EIF2S1: variants seen among roughly 807,000 people sequenced by gnomAD.
EIF2S1 encodes the protein eukaryotic translation initiation factor 2 subunit alpha.
A neutral mutation model predicts 33.5 loss-of-function variants in EIF2S1; 5 were observed. That is an observed-to-expected ratio of 0.15 (90% CI 0.08 to 0.31). EIF2S1 has a LOEUF of 0.31. EIF2S1 is among the 10% of genes least tolerant of loss of function. The pLI is 1.00. For synonymous variants in EIF2S1, 99 were observed against 127.5 expected (o/e 0.78, Z 1.51); for missense variants, 191 against 384.6 (o/e 0.50, Z 4.21).
intron 2 of EIF2S1, among the ~76,000 whole-genome samples, chr14:67,373,129 A>T (rs185892315): frequency 6.6e-6 from 1 of 152,344 alleles, no homozygotes; most frequent in East Asian, 1.9e-4. Flanking sequence ...AGTTTGGCAG[A>T]TAAAATTAAC....
intron 2 of EIF2S1, among the ~76,000 whole-genome samples, chr14:67,368,396 C>T (rs1328808630): frequency 6.6e-6 from 1 of 152,180 alleles, no homozygotes; most frequent in Non-Finnish European, 1.5e-5. Flanking sequence ...CCTTTGCTGA[C>T]TCCTCCCCAC....
chr14:67,375,425 C>A (rs1007663844), intron 3 of EIF2S1, among the ~76,000 whole-genome samples: 2 of 152,052 alleles, frequency 1.3e-5, no homozygotes, highest in Admixed American at 1.3e-4. Context: ...CCCAGCCTAT[C>A]CTCAGTTCTT....
intron 2 of EIF2S1, among the ~76,000 whole-genome samples, chr14:67,370,855 T>C (rs1338291438): frequency 6.6e-6 from 1 of 152,016 alleles, no homozygotes; most frequent in African/African-American, 2.4e-5. Context: ...CGAAACCTCA[T>C]CTCTACAGAA....
chr14:67,375,062 CTAGCGTGT>C (rs1387094784), intron 3 of EIF2S1, among the ~76,000 whole-genome samples: 2 of 152,188 alleles, frequency 1.3e-5, no homozygotes, highest in Non-Finnish European at 2.9e-5. Flanking sequence ...TCCCCCTCCA[CTAGCGTGT>C]TAGGATTATT....
Position 67,381,687 on chromosome 14 carries a change from T to C in EIF2S1, c.675T>C (p.Ile225=). The change falls in exon 6 of 8, where the codon ATT becomes ATC. Residue 225 remains isoleucine, a synonymous_variant. Transcript: ENST00000256383. ...ATTGTTCTACAGAAAACATGCCCAT[T>C]AAGGTGAGTCATGAGTTGTCTCCCT... ...GLNCSTENMP[I]KINLIAPPRY... 1 of 1,611,140 alleles carries C rather than the reference T, an allele frequency of 6.2e-7. No individual in the cohort carries two copies. Among genetic ancestry groups the C allele is most frequent in the Admixed American group, 1.7e-5 (1 of 60,000 alleles).
intron 6 of EIF2S1, among the ~76,000 whole-genome samples, chr14:67,382,166 C>G (rs1298139832): frequency 6.6e-6 from 1 of 151,856 alleles, no homozygotes; most frequent in Non-Finnish European, 1.5e-5. Context: ...AGTTTAGCCA[C>G]CAAAGATACA....
chr14:67,365,668 G>T (rs371197338), intron 2 of EIF2S1, among the ~76,000 whole-genome samples: 1 of 152,048 alleles, frequency 6.6e-6, no homozygotes, highest in African/African-American at 2.4e-5. Flanking sequence ...ATACCATTAC[G>T]TAGGTTTTAG....
chr14:67,382,391 A>G, intron 6 of EIF2S1, 56 bp from the exon 7 acceptor site: 4 of 1,488,766 alleles, frequency 2.7e-6, no homozygotes, highest in East Asian at 2.3e-5. Flanking sequence ...AAGCATCCTA[A>G]TAGTTGTGGG....
chr14:67,381,633 T>C lies in EIF2S1; in HGVS notation c.621T>C (p.Ala207=). 1 of 1,613,780 alleles carries C rather than the reference T, an allele frequency of 6.2e-7. No individual in the cohort carries two copies. The highest frequency in any genetic ancestry group is 1.1e-5 in the South Asian group (1 of 91,058). The change falls in exon 6 of 8, where the codon GCT becomes GCC. Residue 207 remains alanine, a synonymous_variant. Transcript: ENST00000256383. ...VACYGYEGID[A]VKEALRAGLN... Reference sequence around the variant, plus strand: ...GTTATGGTTATGAAGGCATTGATGCTGTAAAAGAAGCCCTAAGAGCAGGTT... The same window carrying C: ...GTTATGGTTATGAAGGCATTGATGCCGTAAAAGAAGCCCTAAGAGCAGGTT...
At chr14:67,379,999 C>T (rs1191727060) in intron 4 of EIF2S1, among the ~76,000 whole-genome samples, 1 of 152,090 alleles carries the variant, frequency 6.6e-6, no homozygotes, top group Admixed American at 6.6e-5. Flanking sequence ...TCCAGTGATC[C>T]CCCTGCCTCA....
At chr14:67,361,092 A>G (rs2085734916) in intron 1 of EIF2S1, among the ~76,000 whole-genome samples, 1 of 152,226 alleles carries the variant, frequency 6.6e-6, no homozygotes, top group Non-Finnish European at 1.5e-5. Context: ...TGTGTTAAGC[A>G]TATGTTAGGT....
chr14:67,369,849 C>G (rs943190430), intron 2 of EIF2S1, among the ~76,000 whole-genome samples: 2 of 152,116 alleles, frequency 1.3e-5, no homozygotes, highest in Non-Finnish European at 2.9e-5. Context: ...GTTGCTGAGA[C>G]CAGCTCTGTT....
chr14:67,382,447 A>G lies in EIF2S1; in HGVS notation c.679A>G (p.Ile227Val). 1 of 1,611,016 alleles carries G rather than the reference A, an allele frequency of 6.2e-7. No individual in the cohort carries two copies. Residue 227 changes from isoleucine to valine, a missense_variant and splice_region_variant, in exon 7 of 8, where the codon ATT becomes GTT. Ile to Val is a conservative substitution (Grantham distance 29). Transcript: ENST00000256383. The stretch of plus-strand genomic sequence containing the variant: ...ATGAATTTTTGTCTTTCTCTTTTAG[A>G]TTAATCTAATAGCTCCTCCTCGGTA... The part of the protein sequence containing the change: ...NCSTENMPIK[I>V]NLIAPPRYVM...
intron 2 of EIF2S1, among the ~76,000 whole-genome samples, chr14:67,372,240 A>G (rs1231569075): frequency 1.3e-5 from 2 of 152,264 alleles, no homozygotes; most frequent in East Asian, 1.9e-4. Flanking sequence ...TGCTGGGACA[A>G]CTGGATGTCC....
intron 4 of EIF2S1, among the ~76,000 whole-genome samples, chr14:67,378,188 C>G (rs1342958147): frequency 6.6e-6 from 1 of 151,638 alleles, no homozygotes; most frequent in Non-Finnish European, 1.5e-5. Flanking sequence ...ACCTCCCACT[C>G]CTTCCTAAAT....
At chr14:67,370,254 G>A (rs28456209) in intron 2 of EIF2S1, among the ~76,000 whole-genome samples, 23,649 of 152,184 alleles carry the variant, frequency 0.16, 3,482 homozygotes, top group East Asian at 0.42. Flanking sequence ...TGGACATGTC[G>A]CAGTGCTGCA....
intron 2 of EIF2S1, among the ~76,000 whole-genome samples, chr14:67,373,301 AG>A (rs1317719400): frequency 6.6e-6 from 1 of 152,224 alleles, no homozygotes; most frequent in Non-Finnish European, 1.5e-5. Context: ...TAACACTAAA[AG>A]TGGTGAATTT....
At chr14:67,363,170 G>C (rs2085753594) in intron 1 of EIF2S1, among the ~76,000 whole-genome samples, 1 of 151,810 alleles carries the variant, frequency 6.6e-6, no homozygotes, top group African/African-American at 2.4e-5. Context: ...TCAAATTTGA[G>C]AGCTTTACAT....
intron 6 of EIF2S1, among the ~76,000 whole-genome samples, chr14:67,382,106 CAGTTT>C (rs1366997236): frequency 7.9e-5 from 12 of 152,036 alleles, no homozygotes; most frequent in African/African-American, 2.9e-4. Flanking sequence ...ATTCTTCCAT[CAGTTT>C]AGTTCAGAGA....
Sources: gnomAD v4.1 joint callset for allele counts (sites outside exome capture counted in the v4.1 genomes callset) on GRCh38, gnomAD v4.1.1 for gene constraint, MANE v1.5 for transcripts, NCBI Gene and HGNC (gene_info 2026-07-23, HGNC 2026-07-21) for gene names.